Variants in PI4KA observed in about 807,000 individuals in gnomAD.
The protein encoded by PI4KA is PI4-kinase alpha.
Under a neutral mutation model 271.4 loss-of-function variants are expected in PI4KA, and 122 were observed. The ratio of observed to expected loss-of-function variants is 0.45; its 90% CI spans 0.39 to 0.52. The LOEUF (loss-of-function observed/expected upper bound fraction) is 0.52, where lower values mean the gene tolerates loss of function less well. Among genes scored for constraint, PI4KA ranks in the 20% least tolerant of loss-of-function variants. PI4KA has a pLI of 0.00. For synonymous variants in PI4KA, 1,041 were observed against 1,078.8 expected, an observed-to-expected ratio of 0.96 and a Z score of 0.69; for missense variants, 1,969 against 2,769.1, an observed-to-expected ratio of 0.71 and a Z score of 6.48.
In PI4KA at chr22:20,830,290, G is replaced by A. The variant is rs1040531632; in HGVS notation, c.367+4272C>T. Among the ~76,000 whole-genome samples the A allele has an allele frequency of 8.5e-5, 13 of 152,304 alleles. No homozygotes were observed. The East Asian group carries it at 2.5e-3, about 29-fold the overall frequency. On this transcript the variant is annotated intron_variant, in intron 3 of 54. Transcript: ENST00000255882. ...CCTAAGCCTCTTCATAGGTCTCTAA[G>A]AACTTGCTTTATGAATGTGGTTGCT...
chr22:20,792,712 C>CG (rs1206805097), intron 19 of PI4KA, among the ~76,000 whole-genome samples: 1 of 152,190 alleles, frequency 6.6e-6, no homozygotes, highest in Non-Finnish European at 1.5e-5. Context: ...TGGTGCCACA[C>CG]AGGAGGCAGG....
At chr22:20,718,583 A>T in intron 44 of PI4KA, 110 bp downstream of exon 44, 1 of 1,275,006 alleles carries the variant, frequency 7.8e-7, no homozygotes, top group Non-Finnish European at 1.1e-6. Flanking sequence ...ACTCTCATTC[A>T]TCTGGTTGGG....
At chr22:20,848,125 C>G (rs1926499569) in intron 1 of PI4KA, among the ~76,000 whole-genome samples, 1 of 151,522 alleles carries the variant, frequency 6.6e-6, no homozygotes, top group Non-Finnish European at 1.5e-5. Flanking sequence ...GTAGTCCCAG[C>G]TACCTGGGAG....
At chr22:20,853,093 C>G (rs768243518) in intron 1 of PI4KA, among the ~76,000 whole-genome samples, 4 of 152,122 alleles carry the variant, frequency 2.6e-5, no homozygotes, top group Non-Finnish European at 4.4e-5. Context: ...AAAACCAGAT[C>G]AATAGTTAGC....
chr22:20,747,473 G>C, intron 29 of PI4KA, 110 bp downstream of exon 29: 1 of 1,163,018 alleles, frequency 8.6e-7, no homozygotes, highest in Non-Finnish European at 1.2e-6. Flanking sequence ...ACAGCACCCT[G>C]CATGTACTCA....
At chr22:20,807,545 G>T (rs1196056884) in intron 9 of PI4KA, 87 bp from the exon 10 acceptor site, 2 of 720,596 alleles carry the variant, frequency 2.8e-6, no homozygotes, top group East Asian at 5.3e-5. Context: ...CAGCGGAATG[G>T]TGATTCGTGA....
At position 20,732,992 on chromosome 22, in the gene PI4KA, C is replaced by T. The variant is rs1475046255; in HGVS notation, c.4267G>A (p.Ala1423Thr). 3 of 1,610,028 alleles carry T rather than the reference C, an allele frequency of 1.9e-6. No homozygotes were observed. The highest frequency in any genetic ancestry group is 1.3e-5 in the African/African-American group (1 of 74,792). Residue 1423 changes from alanine (A) to threonine (T), a missense_variant, in exon 36 of 55, where the codon GCC becomes ACC. Ala to Thr is a moderately conservative substitution (Grantham distance 58). Coordinates refer to ENST00000255882, the MANE Select transcript of PI4KA (RefSeq NM_058004.4). ...TTACCTGGGGGAACAAGCTGGCTGGCGGTCAGGTACTTCTTATCTGAGAAC... is the reference window on the plus strand; with the variant it reads ...TTACCTGGGGGAACAAGCTGGCTGGTGGTCAGGTACTTCTTATCTGAGAAC... ...AMFSDKKYLT[A>T]SQLVPPDNQD...
chr22:20,736,107 T>C (rs922319956), intron 32 of PI4KA, among the ~76,000 whole-genome samples: 21 of 151,842 alleles, frequency 1.4e-4, no homozygotes, highest in African/African-American at 4.8e-4. Flanking sequence ...AGTGAGCGTG[T>C]GACAGACCAG....
intron 1 of PI4KA, among the ~76,000 whole-genome samples, chr22:20,855,283 ATACTT>A (rs1304526838): frequency 2.0e-5 from 3 of 151,946 alleles, no homozygotes; most frequent in Admixed American, 2.0e-4. Flanking sequence ...TATTTTTATT[ATACTT>A]TAAGTTCAAG....
intron 19 of PI4KA, chr22:20,780,059 G>A (rs1311440893): frequency 6.2e-7 from 1 of 1,614,120 alleles, no homozygotes. Flanking sequence ...CTGAGGCCCA[G>A]ATAGCTGACT....
chr22:20,814,235 A>G (rs949988547), intron 7 of PI4KA, among the ~76,000 whole-genome samples: 1 of 152,210 alleles, frequency 6.6e-6, no homozygotes, highest in Non-Finnish European at 1.5e-5. Context: ...AGTGAAATAC[A>G]CCTGTCACTA....
rs1474862544 is a variant in PI4KA, at chr22:20,733,773, G to A, written c.4123C>T (p.Arg1375Cys). The A allele has an allele frequency of 1.2e-6, 2 of 1,613,382 alleles. No homozygotes were observed. Residue 1375 changes from arginine (R) to cysteine (C), a missense_variant, in exon 35 of 55, where the codon CGC (arginine) becomes TGC (cysteine). Around this residue, in one of 13 missense-constraint regions of PI4KA, gnomAD observed 72 missense variants for 103.1 expected, o/e 0.70. Transcript: ENST00000255882. Reference sequence around the variant, plus strand: ...AAGGCAGTGGAGTAGATCTTCTCGCGAAGCACATTGCGGATGGTTGCATTT... The same window carrying A: ...AAGGCAGTGGAGTAGATCTTCTCGCAAAGCACATTGCGGATGGTTGCATTT... ...VPNATIRNVL[R>C]EKIYSTAFDY...
intron 32 of PI4KA, among the ~76,000 whole-genome samples, chr22:20,735,045 C>T (rs1032295480): frequency 3.3e-5 from 5 of 152,012 alleles, no homozygotes; most frequent in Non-Finnish European, 7.4e-5. Context: ...CCCATGGAGC[C>T]GAGGCGAGCC....
At chr22:20,857,270 A>T (rs1026963703) in intron 1 of PI4KA, among the ~76,000 whole-genome samples, 14 of 152,350 alleles carry the variant, frequency 9.2e-5, no homozygotes, top group Middle Eastern at 3.4e-3. Flanking sequence ...TTCCAAACTC[A>T]TGTCCTTTCC....
chr22:20,849,315 T>C (rs1454143858), intron 1 of PI4KA, among the ~76,000 whole-genome samples: 2 of 152,192 alleles, frequency 1.3e-5, no homozygotes, highest in African/African-American at 2.4e-5. Context: ...CCTAGAGTTA[T>C]TGTATGGCCC....
chr22:20,713,367 C>G lies in PI4KA; in HGVS notation c.5485G>C (p.Glu1829Gln). ...GCCTCCTGCGTGCTGCACTCATCCT[C>G]GGAGTCTGAGCGGCACCGCAGACCT... ...KEGLRCRSDS[E>Q]DECSTQEADG... Residue 1829 changes from glutamate to glutamine, a missense_variant, in exon 48 of 55, where the codon GAG (glutamate) becomes CAG (glutamine). Transcript: ENST00000255882. 6.3e-7 allele frequency: 1 copy of G among 1,589,454 alleles called. No homozygotes were observed. The highest frequency in any genetic ancestry group is 1.1e-5 in the South Asian group (1 of 87,854).
At chr22:20,787,891 G>A (rs1011800653) in intron 19 of PI4KA, among the ~76,000 whole-genome samples, 1 of 152,144 alleles carries the variant, frequency 6.6e-6, no homozygotes, top group African/African-American at 2.4e-5. Flanking sequence ...TCCTGGGGAG[G>A]GTCTGTGCAG....
intron 15 of PI4KA, 139 bp downstream of exon 15, chr22:20,799,532 T>C: frequency 6.7e-6 from 5 of 743,702 alleles, no homozygotes. Flanking sequence ...ACCTTAAATC[T>C]TGTGACAACC....
intron 23 of PI4KA, among the ~76,000 whole-genome samples, chr22:20,755,461 C>A (rs1317209014): frequency 2.0e-5 from 3 of 152,140 alleles, no homozygotes; most frequent in Non-Finnish European, 4.4e-5. Flanking sequence ...AAGATCTGAG[C>A]ACCGGATATG....
Sources: allele counts gnomAD v4.1 joint callset (sites outside exome capture counted in the v4.1 genomes callset), GRCh38; gene constraint gnomAD v4.1.1; regional missense constraint gnomAD v4.1.1; transcripts MANE v1.5; gene names NCBI Gene and HGNC (gene_info 2026-07-23, HGNC 2026-07-21).